Variants in NSD2 observed in about 807,000 individuals in gnomAD.
NSD2 encodes the protein nuclear receptor binding SET domain protein 2, also known as histone-lysine N-methyltransferase NSD2.
NSD2 carries 12 observed loss-of-function variants against 139.0 expected under a neutral mutation model. The ratio of observed to expected loss-of-function variants is 0.09; its 90% CI spans 0.06 to 0.14. The LOEUF is 0.14. Among genes scored for constraint, NSD2 ranks in the 10% least tolerant of loss-of-function variants. The pLI is 1.00. For missense variants in NSD2, 1,155 were observed against 1,745.0 expected (o/e 0.66, Z 6.02); for synonymous variants, 669 against 648.7 (o/e 1.03, Z -0.48).
intron 9 of NSD2, chr4:1,943,518 G>A (rs1259240591): frequency 1.9e-6 from 2 of 1,048,466 alleles, no homozygotes; most frequent in African/African-American, 3.3e-5. Flanking sequence ...TGCATGCGAG[G>A]ATGAAATAAA....
intron 3 of NSD2, among the ~76,000 whole-genome samples, chr4:1,913,968 G>A (rs1719024324): frequency 6.6e-6 from 1 of 152,116 alleles, no homozygotes; most frequent in African/African-American, 2.4e-5. Flanking sequence ...GCTATTTTTG[G>A]TATCTTAAGA....
chr4:1,920,763 G>A (rs1484949046), intron 5 of NSD2, among the ~76,000 whole-genome samples: 4 of 151,730 alleles, frequency 2.6e-5, no homozygotes, highest in African/African-American at 4.8e-5. Context: ...GCCGAGTGTG[G>A]CAGCTCACAC....
At chr4:1,957,684 G>A (rs949435204) in intron 15 of NSD2, among the ~76,000 whole-genome samples, 5 of 152,086 alleles carry the variant, frequency 3.3e-5, no homozygotes, top group South Asian at 2.1e-4. Flanking sequence ...GGGAGCTCCC[G>A]ACAGAACTCT....
At chr4:1,887,252 T>G (rs1188211139) in intron 1 of NSD2, among the ~76,000 whole-genome samples, 1 of 152,154 alleles carries the variant, frequency 6.6e-6, no homozygotes, top group East Asian at 1.9e-4. Context: ...GCTGGTTCCA[T>G]GAGGGAGGAA....
At position 1,981,817 on chromosome 4, in the gene NSD2, T is replaced by TA. The variant is rs1389227822; in HGVS notation, c.*2909dup. ...ATGCAAATGACTGTCAGTTGCCAAA[T>TA]ATCTTGATCCTATGAGTGTAGTTGA... On this transcript the variant is annotated 3_prime_UTR_variant, in exon 22 of 22. Transcript: ENST00000508803. 1 of 398,480 alleles carries TA rather than the reference T, an allele frequency of 2.5e-6. No homozygotes were observed. The highest frequency in any genetic ancestry group is 4.4e-6 in the Non-Finnish European group (1 of 226,078). The allele number at this position is 398,480 out of a possible 1,614,324, so 24.7% of individuals were successfully genotyped here.
Position 1,958,090 on chromosome 4 carries a change from G to T in NSD2, c.2985+54G>T. On this transcript the variant is annotated intron_variant, in intron 16 of 21. Transcript: ENST00000508803. The surrounding 1 kb of genome is among the most constrained non-coding windows in gnomAD (Gnocchi z 4.6). ...GTGGAGGGAGTCTTCCCCGAGGGCCGTGAGAGGTTCTTAGGCACACCCAGG... is the reference window on the plus strand; with the variant it reads ...GTGGAGGGAGTCTTCCCCGAGGGCCTTGAGAGGTTCTTAGGCACACCCAGG... 7 of 1,567,604 alleles carry T rather than the reference G, an allele frequency of 4.5e-6. No homozygotes were observed. Among genetic ancestry groups the T allele is most frequent in the Non-Finnish European group, 6.1e-6 (7 of 1,144,056 alleles).
At chr4:1,880,216 T>A (rs1020614050) in intron 1 of NSD2, among the ~76,000 whole-genome samples, 1 of 152,142 alleles carries the variant, frequency 6.6e-6, no homozygotes, top group African/African-American at 2.4e-5. Flanking sequence ...GCAAAGCATC[T>A]TCTTCTCATT....
Position 1,975,286 on chromosome 4 carries a change from T to C in NSD2, c.3515-8T>C, listed in dbSNP as rs1475927086. ...TTCCAATTTGGTGTCTGTCTCCTCT[T>C]CTCCCAGGGACGGAGCTGACTTTTA... On this transcript the variant is annotated splice_region_variant and splice_polypyrimidine_tract_variant and intron_variant, in intron 19 of 21. Coordinates refer to ENST00000508803, the MANE Select transcript of NSD2 (RefSeq NM_001042424.3). 6.2e-7 allele frequency: 1 copy of C among 1,613,980 alleles called. No homozygotes were observed. The highest frequency in any genetic ancestry group is 8.5e-7 in the Non-Finnish European group (1 of 1,179,898).
Position 1,976,423 on chromosome 4 carries a change from C to T in NSD2, c.3622-52C>T. 2 of 1,579,410 alleles carry T rather than the reference C, an allele frequency of 1.3e-6. No homozygotes were observed. Among genetic ancestry groups the T allele is most frequent in the South Asian group, 1.2e-5 (1 of 86,728 alleles). On this transcript the variant is annotated intron_variant, in intron 20 of 21. Coordinates refer to ENST00000508803, the MANE Select transcript of NSD2 (RefSeq NM_001042424.3). The surrounding 1 kb of genome is among the most constrained non-coding windows in gnomAD (Gnocchi z 5.3). ...GTAGCTCGCTCTTCTGCCCTATTTG[C>T]TTCAGCCTGTGTAATTCTTTCCGGT...
chr4:1,978,742 A>G lies in NSD2; in HGVS notation c.3931A>G (p.Thr1311Ala), dbSNP rs142278631. 4.2e-5 allele frequency: 68 copies of G among 1,614,148 alleles called. No homozygotes were observed. Among genetic ancestry groups the G allele is most frequent in the Admixed American group, 1.7e-4 (10 of 60,028 alleles). Reference protein sequence around the residue: ...NSFCKEHQDGTAFSCTPDGRS... With the variant: ...NSFCKEHQDGAAFSCTPDGRS... ...GTTCTGTAAGGAGCACCAGGACGGG[A>G]CAGCCTTCAGCTGCACCCCGGACGG... The change falls in exon 22 of 22, where the codon ACA (threonine) becomes GCA (alanine). Residue 1311 changes from threonine (T) to alanine (A), a missense_variant. This residue lies in a region of NSD2 where 132 missense variants were observed against 94.3 expected (regional missense o/e 1.40). Transcript: ENST00000508803.
chr4:1,935,691 C>G lies in NSD2; in HGVS notation c.1674+429C>G, dbSNP rs551737886. 1.2e-4 allele frequency among the ~76,000 whole-genome samples: 18 copies of G among 152,216 alleles called. No individual in the cohort carries two copies. In the South Asian group the frequency reaches 1.2e-3, roughly 11 times the overall value. ...CCTGGCCAAGATGGTAATACCCCGT[C>G]TCTACTAAAAATACAAAAAATTAGC... On this transcript the variant is annotated intron_variant, in intron 7 of 21. Transcript: ENST00000508803.
At position 1,942,863 on chromosome 4, in the gene NSD2, A is replaced by G; in HGVS notation, c.1881+3085A>G. 1 of 1,065,040 alleles carries G rather than the reference A, an allele frequency of 9.4e-7. No homozygotes were observed. The highest frequency in any genetic ancestry group is 1.1e-6 in the Non-Finnish European group (1 of 878,902). The allele number at this position is 1,065,040 out of a possible 1,614,324, so 66.0% of individuals were successfully genotyped here. ...GCTGTTCTCATTGCCAGTGAGATAT[A>G]TTCAGTATTGTAGATACTACACTAA... On this transcript the variant is annotated intron_variant, in intron 9 of 21. Coordinates refer to ENST00000508803, the MANE Select transcript of NSD2 (RefSeq NM_001042424.3). The surrounding 1 kb of genome is among the most constrained non-coding windows in gnomAD (Gnocchi z 4.0).
rs1723208438 is a variant in NSD2 at position 1,942,578 on chromosome 4, AT to A, written c.1881+2801del. 7.4e-7 allele frequency: 1 copy of A among 1,349,996 alleles called. No homozygotes were observed. Among genetic ancestry groups the A allele is most frequent in the Admixed American group, 3.5e-5 (1 of 28,542 alleles). The allele number at this position is 1,349,996 out of a possible 1,614,324, so 83.6% of individuals were successfully genotyped here. On this transcript the variant is annotated intron_variant, in intron 9 of 21. Transcript: ENST00000508803. This position sits in a 1 kb window ranked among gnomAD's most constrained non-coding sequence, Gnocchi z 4.0. ...TTTTAAGACCAAGGTAAGATAACTA[AT>A]CAAGGCCATTTAATCCGTCACATTC...
intron 1 of NSD2, among the ~76,000 whole-genome samples, chr4:1,873,442 A>T (rs1485186333): frequency 6.6e-6 from 1 of 152,222 alleles, no homozygotes; most frequent in Admixed American, 6.5e-5. Context: ...AGCAGGCTGC[A>T]GGTGCGACTT....
At chr4:1,925,820 G>C (rs568597524) in intron 5 of NSD2, among the ~76,000 whole-genome samples, 12 of 150,734 alleles carry the variant, frequency 8.0e-5, no homozygotes, top group African/African-American at 2.7e-4. Context: ...TTTTGTTTTT[G>C]AGACAGGGTC....
chr4:1,955,892 A>G lies in NSD2; in HGVS notation c.2675+43A>G. On this transcript the variant is annotated intron_variant, in intron 14 of 21. Transcript: ENST00000508803. This position sits in a 1 kb window ranked among gnomAD's most constrained non-coding sequence, Gnocchi z 4.7. ...GTATGCTTTTATGTCTTTTCTGTTCACATGTGTTCGCTTTACAGTACTTAA... is the reference window on the plus strand; with the variant it reads ...GTATGCTTTTATGTCTTTTCTGTTCGCATGTGTTCGCTTTACAGTACTTAA... 6.2e-7 allele frequency: 1 copy of G among 1,610,268 alleles called. No homozygotes were observed. The highest frequency in any genetic ancestry group is 8.5e-7 in the Non-Finnish European group (1 of 1,176,976).
Position 1,980,784 on chromosome 4 carries a change from C to T in NSD2, c.*1875C>T, listed in dbSNP as rs1004453143. ...GCGCGGCCGTGGCCTCTGAGGGGCA[C>T]TCGCCGGTTAAGACAGGGTGGGAGT... On this transcript the variant is annotated 3_prime_UTR_variant, in exon 22 of 22. Coordinates refer to ENST00000508803, the MANE Select transcript of NSD2 (RefSeq NM_001042424.3). 4.3e-6 allele frequency: 1 copy of T among 233,176 alleles called. No homozygotes were observed. Among genetic ancestry groups the T allele is most frequent in the Non-Finnish European group, 8.5e-6 (1 of 118,052 alleles). 14.4% of individuals were successfully genotyped at this position (233,176 alleles called of 1,614,324 possible). A position where few individuals can be genotyped will look rare whatever the true frequency, so the allele number is the denominator to read the frequency against.
chr4:1,900,498 A>G, intron 1 of NSD2, 128 bp from the exon 2 acceptor site: 5 of 560,204 alleles, frequency 8.9e-6, no homozygotes, highest in Non-Finnish European at 1.5e-5. Flanking sequence ...CTGAATTATT[A>G]TAAAAACATC....
Position 1,973,648 on chromosome 4 carries a change from G to A in NSD2, c.3373-1215G>A, listed in dbSNP as rs976456229. ...TATGTAGAAAGGACACGGGGCCAGC[G>A]GTCCCAGACAGGGGCACCCTGGGAG... On this transcript the variant is annotated intron_variant, in intron 18 of 21. Transcript: ENST00000508803. The surrounding 1 kb of genome is among the most constrained non-coding windows in gnomAD (Gnocchi z 5.5). Among the ~76,000 whole-genome samples the A allele has an allele frequency of 6.6e-6, 1 of 152,248 alleles. No homozygotes were observed. The highest frequency in any genetic ancestry group is 6.5e-5 in the Admixed American group (1 of 15,290).
Sources: allele counts gnomAD v4.1 joint callset (sites outside exome capture counted in the v4.1 genomes callset), GRCh38; gene constraint gnomAD v4.1.1; regional missense constraint gnomAD v4.1.1; non-coding constraint Gnocchi (gnomAD v3.1); transcripts MANE v1.5; gene names NCBI Gene and HGNC (gene_info 2026-07-23, HGNC 2026-07-21).